The following UBE2V1 variants were observed in gnomAD, a reference collection of about 807,000 sequenced individuals.
UBE2V1 encodes ubiquitin conjugating enzyme E2 V1.
A neutral mutation model predicts 19.6 loss-of-function variants in UBE2V1; 15 were observed. The ratio of observed to expected loss-of-function variants is 0.77; its 90% CI spans 0.51 to 1.18. The LOEUF (loss-of-function observed/expected upper bound fraction) is 1.18. UBE2V1 is among the 50% of genes most tolerant of loss of function. The pLI is 0.00. For missense variants in UBE2V1, 125 were observed against 184.8 expected, an observed-to-expected ratio of 0.68 and a Z score of 1.88; for synonymous variants, 60 against 60.7, an observed-to-expected ratio of 0.99 and a Z score of 0.05.
chr20:50,106,331 A>G (rs1386410892), intron 1 of UBE2V1, among the ~76,000 whole-genome samples: 2 of 152,240 alleles, frequency 1.3e-5, no homozygotes, highest in African/African-American at 4.8e-5. Flanking sequence ...AGGTTGAAAA[A>G]GCATGAATAT....
chr20:50,106,083 T>A (rs1011132448), intron 1 of UBE2V1, among the ~76,000 whole-genome samples: 14 of 152,064 alleles, frequency 9.2e-5, no homozygotes, highest in African/African-American at 3.1e-4. Flanking sequence ...AGACTATGAC[T>A]ATTAAAAAGT....
chr20:50,106,082 C>T (rs958308148), intron 1 of UBE2V1, among the ~76,000 whole-genome samples: 2 of 151,828 alleles, frequency 1.3e-5, no homozygotes, highest in Non-Finnish European at 2.9e-5. Flanking sequence ...TAGACTATGA[C>T]TATTAAAAAG....
At chr20:50,104,574 G>A (rs1246998671) in intron 1 of UBE2V1, among the ~76,000 whole-genome samples, 6 of 136,676 alleles carry the variant, frequency 4.4e-5, no homozygotes, top group Admixed American at 2.3e-4. Flanking sequence ...AGAGAATGGC[G>A]TGAACCCCAG....
At chr20:50,086,626 T>A (rs902895719) in intron 2 of UBE2V1, among the ~76,000 whole-genome samples, 1 of 152,172 alleles carries the variant, frequency 6.6e-6, no homozygotes, top group Non-Finnish European at 1.5e-5. Context: ...GCAAAAATCA[T>A]GCTCCCTGGT....
At chr20:50,084,283 G>A (rs1043973131) in intron 2 of UBE2V1, 29 bp from the exon 3 acceptor site, 11 of 1,609,688 alleles carry the variant, frequency 6.8e-6, no homozygotes, top group East Asian at 2.2e-5. Context: ...GAGATGTCAC[G>A]CAATTACAAA....
rs112453910 is a variant in UBE2V1, at chr20:50,098,768, G to A, written c.23-1948C>T. 997 of 278,558 alleles carry A rather than the reference G, an allele frequency of 3.6e-3. 8 individuals carry two copies. The highest frequency in any genetic ancestry group is 0.022 in the African/African-American group (943 of 43,706). 17.3% of individuals were successfully genotyped at this position (278,558 alleles called of 1,614,324 possible). On this transcript the variant is annotated intron_variant, in intron 1 of 3. Transcript: ENST00000371674. ...TACTAACTTCCCATTTATAATAATG[G>A]TAAAAGTTTCCTTTAAAATAAATGT...
intron 1 of UBE2V1, among the ~76,000 whole-genome samples, chr20:50,106,499 G>A (rs970035966): frequency 1.1e-4 from 17 of 152,172 alleles, no homozygotes; most frequent in Admixed American, 1.0e-3. Flanking sequence ...ACCACAGCAT[G>A]TCAATCTTGG....
intron 2 of UBE2V1, among the ~76,000 whole-genome samples, chr20:50,091,593 A>C (rs2079230171): frequency 6.6e-6 from 1 of 151,484 alleles, no homozygotes; most frequent in Non-Finnish European, 1.5e-5. Flanking sequence ...GGGTTTCGCC[A>C]TATTGGCCAG....
intron 2 of UBE2V1, chr20:50,094,877 A>T (rs963244215): frequency 6.6e-6 from 1 of 152,162 alleles, no homozygotes; most frequent in Admixed American, 6.5e-5. Flanking sequence ...CTATCCCAAT[A>T]AAGCTGTTAC....
At chr20:50,097,654 C>T (rs1422332891) in intron 1 of UBE2V1, among the ~76,000 whole-genome samples, 1 of 152,194 alleles carries the variant, frequency 6.6e-6, no homozygotes, top group Non-Finnish European at 1.5e-5. Context: ...GCACTCCCAA[C>T]CAATCCTGAC....
intron 2 of UBE2V1, among the ~76,000 whole-genome samples, chr20:50,093,070 A>C (rs187868970): frequency 7.9e-5 from 12 of 152,364 alleles, no homozygotes; most frequent in African/African-American, 2.9e-4. Context: ...ATTCCATTTC[A>C]GCACACATAA....
chr20:50,091,759 G>A (rs2079245250), intron 2 of UBE2V1, among the ~76,000 whole-genome samples: 1 of 151,960 alleles, frequency 6.6e-6, no homozygotes, highest in South Asian at 2.1e-4. Flanking sequence ...CATCTATTAG[G>A]TGAAAAAAAA....
At position 50,109,815 on chromosome 20, in the gene UBE2V1, A is replaced by G. The variant is rs144944383; in HGVS notation, c.22+3292T>C. ...CCAGTTTCCCCTCCATCACTGGAGCAGGCTGCTATTTCTTTGGCTGAGCAC... is the reference window on the plus strand; with the variant it reads ...CCAGTTTCCCCTCCATCACTGGAGCGGGCTGCTATTTCTTTGGCTGAGCAC... On this transcript the variant is annotated intron_variant, in intron 1 of 3. Coordinates refer to ENST00000371674, the MANE Select transcript of UBE2V1 (RefSeq NM_001032288.3). Among the ~76,000 whole-genome samples the G allele has an allele frequency of 2.7e-3, 402 of 151,288 alleles. 6 individuals carry two copies. Among genetic ancestry groups the G allele is most frequent in the African/African-American group, 9.2e-3 (382 of 41,300 alleles).
At position 50,082,180 on chromosome 20, in the gene UBE2V1, G is replaced by C. The variant is rs2146934310; in HGVS notation, c.*588C>G. 6.3e-6 allele frequency: 1 copy of C among 157,740 alleles called. No individual in the cohort carries two copies. Among genetic ancestry groups the C allele is most frequent in the South Asian group, 2.0e-4 (1 of 4,890 alleles). The allele number at this position is 157,740 out of a possible 1,614,324, so 9.8% of individuals were successfully genotyped here. ...GGGTTACAATCTATGCTTCGGCCAA[G>C]GGCGGGAGTGGAGGAGCGTGGGGAC... On this transcript the variant is annotated 3_prime_UTR_variant, in exon 4 of 4. Coordinates refer to ENST00000371674, the MANE Select transcript of UBE2V1 (RefSeq NM_001032288.3).
Position 50,082,907 on chromosome 20 carries a change from G to A in UBE2V1, c.305C>T (p.Pro102Leu). 2 of 1,607,302 alleles carry A rather than the reference G, an allele frequency of 1.2e-6. No individual in the cohort carries two copies. The highest frequency in any genetic ancestry group is 1.7e-6 in the Non-Finnish European group (2 of 1,179,764). Residue 102 changes from proline to leucine, a missense_variant, in exon 4 of 4, where the codon CCA becomes CTA. Physicochemically the swap from Pro to Leu is moderately conservative, Grantham distance 98. Coordinates refer to ENST00000371674, the MANE Select transcript of UBE2V1 (RefSeq NM_001032288.3). Reference sequence around the variant, plus strand: ...TTTTGCTAGCACTGATATGGCTCTTGGGTCCACCTACAACAAGGCAAACAA... The same window carrying A: ...TTTTGCTAGCACTGATATGGCTCTTAGGTCCACCTACAACAAGGCAAACAA... ...GVNSSNGVVD[P>L]RAISVLAKWQ... is the part of the protein sequence containing the mutation.
At chr20:50,100,313 C>T (rs1355553536) in intron 1 of UBE2V1, among the ~76,000 whole-genome samples, 5 of 147,568 alleles carry the variant, frequency 3.4e-5, no homozygotes, top group Admixed American at 1.3e-4. Context: ...AAAGACGGGG[C>T]GCGGTGGCTC....
chr20:50,115,600 T>C (rs1290025721), upstream of UBE2V1: 3 of 1,483,326 alleles, frequency 2.0e-6, no homozygotes, highest in Non-Finnish European at 2.7e-6. Flanking sequence ...ATGAGGATAG[T>C]AGTATCAACC....
chr20:50,104,079 C>T lies in UBE2V1; in HGVS notation c.23-7259G>A, dbSNP rs554725503. ...CAGGCGGATCACGAGGTCAGGAGAT[C>T]GAGATCATCCTGGCCAACGTGGTGA... On this transcript the variant is annotated intron_variant, in intron 1 of 3. Coordinates refer to ENST00000371674, the MANE Select transcript of UBE2V1 (RefSeq NM_001032288.3). 1.5e-3 allele frequency among the ~76,000 whole-genome samples: 223 copies of T among 150,804 alleles called. 1 individual carries two copies. The highest frequency in any genetic ancestry group is 3.8e-3 in the African/African-American group (154 of 41,002).
At chr20:50,092,195 G>GGACA (rs2079275743) in intron 2 of UBE2V1, among the ~76,000 whole-genome samples, 1 of 152,100 alleles carries the variant, frequency 6.6e-6, no homozygotes, top group Non-Finnish European at 1.5e-5. Flanking sequence ...GGTGGTATGT[G>GGACA]CCTATAACCC....
Sources: gnomAD v4.1 joint callset for allele counts (sites outside exome capture counted in the v4.1 genomes callset) on GRCh38, gnomAD v4.1.1 for gene constraint, MANE v1.5 for transcripts, NCBI Gene and HGNC (gene_info 2026-07-23, HGNC 2026-07-21) for gene names.